The following BNC2 variants were observed in gnomAD, a reference collection of about 807,000 sequenced individuals.
BNC2 encodes basonuclin zinc finger protein 2.
Under a neutral mutation model 76.3 loss-of-function variants are expected in BNC2, and 20 were observed. That is an observed-to-expected ratio of 0.26 (90% CI 0.18 to 0.38). The LOEUF (loss-of-function observed/expected upper bound fraction) is 0.38, where lower values mean the gene tolerates loss of function less well. BNC2 is among the 10% of genes least tolerant of loss of function. The pLI, the probability that BNC2 is intolerant of heterozygous loss-of-function variation, is 1.00. For synonymous variants in BNC2, 582 were observed against 514.8 expected (o/e 1.13, Z -1.77); for missense variants, 1,382 against 1,399.8 (o/e 0.99, Z 0.20).
rs565032273 is a variant in BNC2, at chr9:16,496,809, T to C, written c.669+55721A>G. 2.6e-5 allele frequency among the ~76,000 whole-genome samples: 4 copies of C among 152,314 alleles called. No individual in the cohort carries two copies. In the East Asian group the frequency reaches 7.7e-4, roughly 29 times the overall value. ...CCCAGGCTATGGTGAGAAAACCTTA[T>C]TCAAATATGTCTATTCAAGCCGATG... On this transcript the variant is annotated intron_variant, in intron 5 of 6. Transcript: ENST00000380672.
intron 3 of BNC2, chr9:16,626,041 C>T (rs1398942078): frequency 2.0e-5 from 3 of 152,180 alleles, no homozygotes; most frequent in African/African-American, 7.2e-5. Flanking sequence ...GGATGAGGAG[C>T]TAGTTGGGGC....
chr9:16,756,205 C>A (rs1825379947), intron 1 of BNC2, among the ~76,000 whole-genome samples: 1 of 152,146 alleles, frequency 6.6e-6, no homozygotes, highest in Admixed American at 6.5e-5. Flanking sequence ...TCTTACATAC[C>A]TGCAAAATCT....
At chr9:16,633,486 C>T (rs919790308) in intron 3 of BNC2, among the ~76,000 whole-genome samples, 7 of 152,190 alleles carry the variant, frequency 4.6e-5, no homozygotes, top group East Asian at 1.9e-4. Context: ...CATTTCTAAC[C>T]GTGAAAATTC....
intron 3 of BNC2, among the ~76,000 whole-genome samples, chr9:16,688,178 A>G (rs977158504): frequency 2.0e-5 from 3 of 152,170 alleles, no homozygotes; most frequent in African/African-American, 7.2e-5. Flanking sequence ...ATCCACCACA[A>G]TCAGCGTCAT....
At chr9:16,768,274 C>T (rs1202072885) in intron 1 of BNC2, among the ~76,000 whole-genome samples, 1 of 151,956 alleles carries the variant, frequency 6.6e-6, no homozygotes. Flanking sequence ...CCAGTGTATG[C>T]AATTCAGACA....
At chr9:16,801,580 T>G (rs1205782485) in intron 1 of BNC2, among the ~76,000 whole-genome samples, 1 of 152,110 alleles carries the variant, frequency 6.6e-6, no homozygotes, top group Non-Finnish European at 1.5e-5. Flanking sequence ...ACAAGCTCAT[T>G]CAACTAAACC....
At chr9:16,457,964 G>C (rs1355501690) in intron 5 of BNC2, among the ~76,000 whole-genome samples, 3 of 152,164 alleles carry the variant, frequency 2.0e-5, no homozygotes, top group Admixed American at 1.3e-4. Flanking sequence ...GGTGGCTCTA[G>C]GTGGCCTTAA....
chr9:16,795,243 T>C (rs10810635), intron 1 of BNC2, among the ~76,000 whole-genome samples: 14,562 of 151,900 alleles, frequency 0.096, 1,202 homozygotes, highest in East Asian at 0.31. Context: ...GCAAAGGAAG[T>C]AGGAAGGTTC....
chr9:16,610,335 A>T (rs1820508992), intron 3 of BNC2, among the ~76,000 whole-genome samples: 1 of 152,210 alleles, frequency 6.6e-6, no homozygotes. Context: ...AATTAAATTC[A>T]GTAAAACTTG....
intron 1 of BNC2, among the ~76,000 whole-genome samples, chr9:16,844,823 T>C (rs1818927889): frequency 1.3e-5 from 2 of 152,134 alleles, no homozygotes; most frequent in African/African-American, 4.8e-5. Context: ...TCAATAACTA[T>C]CCAGTCATTT....
At chr9:16,450,816 CCA>C (rs1375507190) in intron 5 of BNC2, among the ~76,000 whole-genome samples, 1 of 152,232 alleles carries the variant, frequency 6.6e-6, no homozygotes, top group African/African-American at 2.4e-5. Context: ...GTTCTGATCC[CCA>C]GAGAGTAATC....
chr9:16,602,881 T>C (rs1157131794), intron 3 of BNC2, among the ~76,000 whole-genome samples: 1 of 152,220 alleles, frequency 6.6e-6, no homozygotes, highest in Non-Finnish European at 1.5e-5. Context: ...CCTCATTTCA[T>C]CTACTGCTCT....
chr9:16,687,210 A>T (rs1192020478), intron 3 of BNC2, among the ~76,000 whole-genome samples: 1 of 152,060 alleles, frequency 6.6e-6, no homozygotes, highest in East Asian at 1.9e-4. Context: ...ATTTAATTTT[A>T]AAAAAAAATG....
At chr9:16,762,467 C>A (rs1294281221) in intron 1 of BNC2, among the ~76,000 whole-genome samples, 1 of 152,176 alleles carries the variant, frequency 6.6e-6, no homozygotes, top group African/African-American at 2.4e-5. Flanking sequence ...CACTTCAAAA[C>A]CCCTGGATGT....
At chr9:16,725,461 C>G (rs146171676) in intron 3 of BNC2, among the ~76,000 whole-genome samples, 1 of 151,746 alleles carries the variant, frequency 6.6e-6, no homozygotes, top group East Asian at 1.9e-4. Flanking sequence ...ATTCAGTGAC[C>G]ATGACAGAAA....
At chr9:16,424,034 G>T (rs1820757821) in intron 6 of BNC2, among the ~76,000 whole-genome samples, 1 of 152,134 alleles carries the variant, frequency 6.6e-6, no homozygotes, top group Non-Finnish European at 1.5e-5. Flanking sequence ...TTCCTTTGAT[G>T]AAAACTTTAC....
At chr9:16,664,704 CA>C (rs60928607) in intron 3 of BNC2, among the ~76,000 whole-genome samples, 30,424 of 147,602 alleles carry the variant, frequency 0.21, 4,925 homozygotes, top group East Asian at 0.68. Context: ...AAAACAAAAA[CA>C]AAAAAAACAA....
chr9:16,496,674 C>G (rs1290657003), intron 5 of BNC2, among the ~76,000 whole-genome samples: 1 of 152,190 alleles, frequency 6.6e-6, no homozygotes, highest in African/African-American at 2.4e-5. Context: ...TAAATATTTA[C>G]AGTTTATATT....
chr9:16,803,900 C>A (rs1022301610), intron 1 of BNC2, among the ~76,000 whole-genome samples: 10 of 152,164 alleles, frequency 6.6e-5, no homozygotes, highest in Non-Finnish European at 1.2e-4. Context: ...GCAAATCTCT[C>A]AATCGTCAAG....
Sources: gnomAD v4.1 joint callset for allele counts (sites outside exome capture counted in the v4.1 genomes callset) on GRCh38, gnomAD v4.1.1 for gene constraint, MANE v1.5 for transcripts, NCBI Gene and HGNC (gene_info 2026-07-23, HGNC 2026-07-21) for gene names.